HDAC4: variants seen among roughly 807,000 people sequenced by gnomAD.
HDAC4 encodes histone deacetylase 4.
A neutral mutation model predicts 135.1 loss-of-function variants in HDAC4; 16 were observed. That is an observed-to-expected ratio of 0.12 (90% CI 0.08 to 0.18). The LOEUF (loss-of-function observed/expected upper bound fraction) is 0.18. Ranked by LOEUF, HDAC4 falls within the 10% of genes least tolerant of loss-of-function variation. HDAC4 has a pLI of 1.00. For missense variants in HDAC4, 1,143 were observed against 1,511.8 expected (o/e 0.76, Z 4.05); for synonymous variants, 685 against 653.4 (o/e 1.05, Z -0.74).
chr2:239,104,336 C>T (rs1392955818), intron 15 of HDAC4, among the ~76,000 whole-genome samples: 1 of 152,208 alleles, frequency 6.6e-6, no homozygotes, highest in African/African-American at 2.4e-5. Flanking sequence ...TCAAGTGATT[C>T]TCCTGCCTCA....
chr2:239,112,089 G>A (rs2038726619), intron 13 of HDAC4, among the ~76,000 whole-genome samples: 1 of 152,178 alleles, frequency 6.6e-6, no homozygotes. Flanking sequence ...TGCTGAGCCA[G>A]GAGCAGCCTG....
intron 2 of HDAC4, among the ~76,000 whole-genome samples, chr2:239,326,435 G>C (rs74604604): frequency 0.019 from 2,963 of 152,280 alleles, 94 homozygotes; most frequent in African/African-American, 0.068. Flanking sequence ...GGAATGGATG[G>C]TGGTGATGGT....
At chr2:239,097,744 A>G (rs1412839145) in intron 16 of HDAC4, among the ~76,000 whole-genome samples, 4 of 152,236 alleles carry the variant, frequency 2.6e-5, no homozygotes, top group African/African-American at 9.6e-5. Context: ...CAAGGTGCCA[A>G]GCCACCTGCT....
chr2:239,176,724 A>G (rs2043801911), intron 4 of HDAC4, among the ~76,000 whole-genome samples, 161 bp from the exon 5 acceptor site: 2 of 152,234 alleles, frequency 1.3e-5, no homozygotes. Context: ...GTCCAAAAAA[A>G]GAAGTCAGGG....
rs1057499768 is a variant in HDAC4 at position 239,349,093 on chromosome 2, G to A, written c.22+3585C>T. ...CCCCAGCCCGGCCTGCCCAGGGAGT[G>A]AGGGCGGCACGGGCACCCACACCAG... On this transcript the variant is annotated intron_variant, in intron 2 of 26. Transcript: ENST00000543185. This position sits in a 1 kb window ranked among gnomAD's most constrained non-coding sequence, Gnocchi z 5.7. Among the ~76,000 whole-genome samples, 2 of 152,208 alleles carry A rather than the reference G, an allele frequency of 1.3e-5. No individual in the cohort carries two copies. Among genetic ancestry groups the A allele is most frequent in the African/African-American group, 4.8e-5 (2 of 41,460 alleles).
At chr2:239,305,909 A>G (rs2052555186) in intron 2 of HDAC4, among the ~76,000 whole-genome samples, 1 of 152,228 alleles carries the variant, frequency 6.6e-6, no homozygotes. Context: ...TGAATCTGAC[A>G]GCATTCAAGG....
chr2:239,258,667 G>T (rs1472239226), intron 2 of HDAC4, among the ~76,000 whole-genome samples: 1 of 152,170 alleles, frequency 6.6e-6, no homozygotes, highest in Non-Finnish European at 1.5e-5. Flanking sequence ...GACTGGAAAT[G>T]AACACCCATA....
intron 2 of HDAC4, among the ~76,000 whole-genome samples, chr2:239,347,410 T>C (rs2125901016): frequency 6.6e-6 from 1 of 152,342 alleles, no homozygotes; most frequent in South Asian, 2.1e-4. Context: ...ACTTTTTAGC[T>C]GCTTTTATGT....
At chr2:239,258,855 G>A (rs545244781) in intron 2 of HDAC4, among the ~76,000 whole-genome samples, 105 of 152,306 alleles carry the variant, frequency 6.9e-4, no homozygotes, top group African/African-American at 2.4e-3. Context: ...GCTCTACTCC[G>A]AAGTGAAGAC....
chr2:239,054,475 C>T (rs568317472), intron 25 of HDAC4, among the ~76,000 whole-genome samples: 3 of 152,282 alleles, frequency 2.0e-5, no homozygotes, highest in Admixed American at 2.0e-4. Context: ...CAAGTGACTC[C>T]ACACTGAGAC....
In HDAC4 at chr2:239,146,714, C is replaced by T. The variant is rs1179495508; in HGVS notation, c.734-2000G>A. 1.3e-5 allele frequency among the ~76,000 whole-genome samples: 2 copies of T among 151,654 alleles called. No individual in the cohort carries two copies. Among genetic ancestry groups the T allele is most frequent in the Non-Finnish European group, 2.9e-5 (2 of 67,874 alleles). On this transcript the variant is annotated intron_variant, in intron 7 of 26. Transcript: ENST00000543185. The surrounding 1 kb of genome is among the most constrained non-coding windows in gnomAD (Gnocchi z 4.5). The stretch of plus-strand genomic sequence containing the variant: ...CCACCCCTTCCCTCCACTCCCCTCC[C>T]CTTCCCTCCTCTCCCCTTCCACAGG...
chr2:239,198,404 C>T (rs976342298), intron 3 of HDAC4, among the ~76,000 whole-genome samples: 2 of 152,164 alleles, frequency 1.3e-5, no homozygotes, highest in East Asian at 1.9e-4. Context: ...CCACGAGAGG[C>T]GCCTCTCCAT....
At chr2:239,156,029 C>T (rs913666146) in intron 7 of HDAC4, among the ~76,000 whole-genome samples, 11 of 152,334 alleles carry the variant, frequency 7.2e-5, no homozygotes, top group Non-Finnish European at 8.8e-5. Context: ...ACAGAGGGTC[C>T]GTCCTGACTT....
chr2:239,362,222 C>T (rs1445227565), intron 1 of HDAC4, among the ~76,000 whole-genome samples: 2 of 152,214 alleles, frequency 1.3e-5, no homozygotes, highest in South Asian at 4.1e-4. Context: ...CATCTGTTTA[C>T]ATAAAGACAT....
intron 13 of HDAC4, among the ~76,000 whole-genome samples, chr2:239,112,935 AG>A (rs1406454362): frequency 6.6e-6 from 1 of 152,208 alleles, no homozygotes; most frequent in Non-Finnish European, 1.5e-5. Context: ...TCCTGCCTTT[AG>A]GAATCAGGCT....
At chr2:239,211,917 G>A (rs993717697) in intron 3 of HDAC4, among the ~76,000 whole-genome samples, 6 of 152,126 alleles carry the variant, frequency 3.9e-5, no homozygotes, top group African/African-American at 9.7e-5. Context: ...GAGCAGTCCC[G>A]TGCCCTGCAG....
chr2:239,124,265 T>G (rs1365752145), intron 12 of HDAC4, among the ~76,000 whole-genome samples: 1 of 152,200 alleles, frequency 6.6e-6, no homozygotes, highest in African/African-American at 2.4e-5. Flanking sequence ...ATTTTCACCA[T>G]CCCTAAGAAG....
rs76784130 is a variant in HDAC4, at chr2:239,240,265, G to C, written c.23-3601C>G. Among the ~76,000 whole-genome samples the C allele has an allele frequency of 1.2e-3, 184 of 152,364 alleles. No homozygotes were observed. The highest frequency in any genetic ancestry group is 4.2e-3 in the African/African-American group (176 of 41,586). ...AAGCGTGGCCAGTGGGGCAAAGAAC[G>C]TCTGTCACCAGGGTGAAATAGACAA... On this transcript the variant is annotated intron_variant, in intron 2 of 26. Coordinates refer to ENST00000543185, the MANE Select transcript of HDAC4 (RefSeq NM_001378414.1). This position sits in a 1 kb window ranked among gnomAD's most constrained non-coding sequence, Gnocchi z 4.5.
At chr2:239,374,427 G>A (rs1173898309) in intron 1 of HDAC4, among the ~76,000 whole-genome samples, 10 of 92,696 alleles carry the variant, frequency 1.1e-4, no homozygotes, top group Non-Finnish European at 1.4e-4. Context: ...TTTTTGAGAC[G>A]GAGTCTCGCT....
Sources: allele counts gnomAD v4.1 joint callset (sites outside exome capture counted in the v4.1 genomes callset), GRCh38; gene constraint gnomAD v4.1.1; non-coding constraint Gnocchi (gnomAD v3.1); transcripts MANE v1.5; gene names NCBI Gene and HGNC (gene_info 2026-07-23, HGNC 2026-07-21).